THADA: variants seen among roughly 807,000 people sequenced by gnomAD.
THADA encodes the protein tRNA (32-2'-O)-methyltransferase regulator THADA.
A neutral mutation model predicts 219.8 loss-of-function variants in THADA; 213 were observed. That is an observed-to-expected ratio of 0.97 (90% confidence interval 0.87 to 1.09). The LOEUF is 1.09. Ranked by LOEUF, THADA falls within the 50% of genes least tolerant of loss-of-function variation. The probability of loss-of-function intolerance (pLI) is 0.00; values close to 1 mark genes in which losing one functional copy is unlikely to be tolerated. For synonymous variants in THADA, 1,018 were observed against 828.9 expected, an observed-to-expected ratio of 1.23 and a Z score of -3.92; for missense variants, 2,956 against 2,311.3, an observed-to-expected ratio of 1.28 and a Z score of -5.72.
intron 36 of THADA, among the ~76,000 whole-genome samples, chr2:43,247,435 A>G (rs1270012704): frequency 6.6e-6 from 1 of 152,194 alleles, no homozygotes; most frequent in African/African-American, 2.4e-5. Context: ...GAATAAAAAT[A>G]AAATCACTAT....
chr2:43,463,864 C>T (rs1359265941), intron 26 of THADA, among the ~76,000 whole-genome samples: 1 of 152,078 alleles, frequency 6.6e-6, no homozygotes, highest in Admixed American at 6.5e-5. Flanking sequence ...CTCAGTGCTC[C>T]AGACACAGGC....
intron 31 of THADA, among the ~76,000 whole-genome samples, chr2:43,313,874 G>T (rs2104445295): frequency 6.6e-6 from 1 of 152,374 alleles, no homozygotes; most frequent in South Asian, 2.1e-4. Context: ...CCACAGTGAG[G>T]GCAGCTGGAG....
At chr2:43,274,266 G>C (rs186875081) in intron 36 of THADA, among the ~76,000 whole-genome samples, 193 of 152,322 alleles carry the variant, frequency 1.3e-3, no homozygotes, top group African/African-American at 4.3e-3. Context: ...GACCCGGACA[G>C]TGTGCGAGTC....
chr2:43,327,060 G>A (rs1201960379), intron 30 of THADA, among the ~76,000 whole-genome samples: 3 of 152,114 alleles, frequency 2.0e-5, no homozygotes, highest in African/African-American at 7.2e-5. Flanking sequence ...CTTGTTGGGG[G>A]AGGGGTATAT....
intron 9 of THADA, 114 bp downstream of exon 9, chr2:43,578,399 G>T: frequency 1.6e-6 from 1 of 640,108 alleles, no homozygotes. Flanking sequence ...CTCCTGCCCT[G>T]GCCTCCCAAA....
rs758205526 is a variant in THADA at position 43,485,251 on chromosome 2, T to C, written c.3819A>G (p.Glu1273=). The change falls in exon 26 of 38, where the codon GAA becomes GAG. Residue 1273 remains glutamate, a synonymous_variant. Transcript: ENST00000405975. ...GAGCTTACCTATTTGTTTTGGAATG[T>C]TCATCCTTTGCCCTTTTAACTCCAA... ...RIFGVKRAKD[E]HSKTNRMTGR... 5.0e-6 allele frequency: 8 copies of C among 1,612,632 alleles called. No individual in the cohort carries two copies. Among genetic ancestry groups the C allele is most frequent in the Non-Finnish European group, 6.8e-6 (8 of 1,179,006 alleles).
chr2:43,306,168 G>C (rs1455787933), intron 31 of THADA, among the ~76,000 whole-genome samples: 6 of 152,054 alleles, frequency 3.9e-5, no homozygotes, highest in Non-Finnish European at 5.9e-5. Flanking sequence ...GAGCCCCCAT[G>C]CCTGGCTAAT....
In THADA at chr2:43,286,980, A is replaced by C; in HGVS notation, c.5092T>G (p.Ser1698Ala). ...AGGACTTCAACGACGGCCAGCCTAG[A>C]CTCTGTAGGAAGATGGTCTTCACAT... The part of the protein sequence containing the change: ...LSCEDHLPTE[S>A]RLAVVEVLTS... Residue 1698 changes from serine to alanine, a missense_variant, in exon 35 of 38, where the codon TCT becomes GCT. Coordinates refer to ENST00000405975, the MANE Select transcript of THADA (RefSeq NM_022065.5). 6.2e-7 allele frequency: 1 copy of C among 1,613,900 alleles called. No homozygotes were observed. The highest frequency in any genetic ancestry group is 1.3e-5 in the African/African-American group (1 of 75,000).
At chr2:43,534,260 T>C (rs1273153781) in intron 21 of THADA, among the ~76,000 whole-genome samples, 1 of 152,186 alleles carries the variant, frequency 6.6e-6, no homozygotes, top group Non-Finnish European at 1.5e-5. Context: ...ATATAATAAA[T>C]AGTGATCAGA....
At chr2:43,279,994 T>A in intron 35 of THADA, 98 bp from the exon 36 acceptor site, 1 of 1,187,124 alleles carries the variant, frequency 8.4e-7, no homozygotes, top group South Asian at 1.9e-5. Context: ...GAGCATTGAA[T>A]GAGTTACAGC....
intron 28 of THADA, among the ~76,000 whole-genome samples, chr2:43,399,814 T>C (rs1674573367): frequency 6.6e-6 from 1 of 152,162 alleles, no homozygotes; most frequent in Admixed American, 6.5e-5. Context: ...CAGAAAAATG[T>C]TTGCTTTGGC....
chr2:43,351,968 T>G (rs559739326), intron 29 of THADA, among the ~76,000 whole-genome samples: 3 of 152,242 alleles, frequency 2.0e-5, no homozygotes, highest in African/African-American at 7.2e-5. Context: ...TGGTGTCAGA[T>G]AGTCAACCTT....
intron 20 of THADA, among the ~76,000 whole-genome samples, chr2:43,544,355 C>T (rs1024575847): frequency 7.2e-4 from 110 of 152,258 alleles, no homozygotes; most frequent in African/African-American, 2.2e-3. Context: ...CTTGGCAATG[C>T]GGGCTCTTTT....
Position 43,457,453 on chromosome 2 carries a change from T to C in THADA, c.3837-27151A>G, listed in dbSNP as rs114099809. Among the ~76,000 whole-genome samples the C allele has an allele frequency of 8.8e-4, 134 of 152,262 alleles. 1 individual carries two copies. Among genetic ancestry groups the C allele is most frequent in the African/African-American group, 2.9e-3 (122 of 41,554 alleles). On this transcript the variant is annotated intron_variant, in intron 26 of 37. Coordinates refer to ENST00000405975, the MANE Select transcript of THADA (RefSeq NM_022065.5). ...ACTAGTAGTTGAGTCTCTACTAAAA[T>C]AATTTAAAGTCAATCTTAACAGTTT...
At chr2:43,594,356 G>C (rs1342728103) in intron 1 of THADA, among the ~76,000 whole-genome samples, 2 of 152,114 alleles carry the variant, frequency 1.3e-5, no homozygotes, top group African/African-American at 4.8e-5. Context: ...GAGGCGGGTG[G>C]ATCTCCTGAA....
intron 35 of THADA, 25 bp downstream of exon 35, chr2:43,286,883 C>G (rs1479771068): frequency 6.3e-7 from 1 of 1,599,114 alleles, no homozygotes. Context: ...TTTGGTACAA[C>G]AGACTTCCGT....
At chr2:43,286,763 T>C (rs1281139878) in intron 35 of THADA, 145 bp downstream of exon 35, 2 of 911,122 alleles carry the variant, frequency 2.2e-6, no homozygotes, top group Non-Finnish European at 3.2e-6. Context: ...GATTAGAGCA[T>C]GAACTAAGAC....
intron 36 of THADA, among the ~76,000 whole-genome samples, chr2:43,241,857 A>G (rs1030949804): frequency 3.7e-4 from 56 of 152,040 alleles, no homozygotes; most frequent in Non-Finnish European, 6.3e-4. Context: ...GGTACTGAAG[A>G]AGGCAGCTGG....
intron 35 of THADA, among the ~76,000 whole-genome samples, chr2:43,280,400 G>T (rs1033126499): frequency 6.6e-6 from 1 of 152,162 alleles, no homozygotes; most frequent in Non-Finnish European, 1.5e-5. Context: ...TTGGGAGGAC[G>T]AGGAGAGTGG....
Sources: allele counts gnomAD v4.1 joint callset (sites outside exome capture counted in the v4.1 genomes callset), GRCh38; gene constraint gnomAD v4.1.1; transcripts MANE v1.5; gene names NCBI Gene and HGNC (gene_info 2026-07-23, HGNC 2026-07-21).